The following USP31 variants were observed in gnomAD, a reference collection of about 807,000 sequenced individuals.
USP31 encodes the protein ubiquitin carboxyl-terminal hydrolase 31.
Under a neutral mutation model 119.4 loss-of-function variants are expected in USP31, and 44 were observed. The observed-to-expected ratio is 0.37, with a 90% CI of 0.29 to 0.47. The LOEUF is 0.47. USP31 is among the 20% of genes least tolerant of loss of function. The pLI, the probability that USP31 is intolerant of heterozygous loss-of-function variation, is 0.99. For missense variants in USP31, 1,643 were observed against 1,730.2 expected (o/e 0.95, Z 0.89); for synonymous variants, 749 against 705.6 (o/e 1.06, Z -0.97).
In USP31 at chr16:23,149,372, G is replaced by A. The variant is rs1454741847; in HGVS notation, c.-102C>T. On this transcript the variant is annotated 5_prime_UTR_variant, in exon 1 of 16. Coordinates refer to ENST00000219689, the MANE Select transcript of USP31 (RefSeq NM_020718.4). The stretch of plus-strand genomic sequence containing the variant: ...CAGCGCCGCGCCTCACCGGGCCCGG[G>A]GGCTCGACGCCCCACACACCTCAAA... 1 of 988,504 alleles carries A rather than the reference G, an allele frequency of 1.0e-6. No individual in the cohort carries two copies. The allele number at this position is 988,504 out of a possible 1,614,324, so 61.2% of individuals were successfully genotyped here. A position where few individuals can be genotyped will look rare whatever the true frequency, so the allele number is the denominator to read the frequency against.
chr16:23,119,527 G>T (rs1902600863), intron 1 of USP31, among the ~76,000 whole-genome samples: 1 of 152,182 alleles, frequency 6.6e-6, no homozygotes, highest in African/African-American at 2.4e-5. Context: ...CAGGGCTCAG[G>T]TTCTTCATTC....
chr16:23,108,794 CAT>C (rs1355297667), intron 1 of USP31, among the ~76,000 whole-genome samples: 1 of 152,122 alleles, frequency 6.6e-6, no homozygotes, highest in East Asian at 1.9e-4. Context: ...ACAATGAATA[CAT>C]GTTACATAAC....
In USP31 at chr16:23,064,658, C is replaced by G. The variant is rs1014982075; in HGVS notation, c.*3388G>C. 1.3e-5 allele frequency: 2 copies of G among 152,158 alleles called. No individual in the cohort carries two copies. The highest frequency in any genetic ancestry group is 2.9e-5 in the Non-Finnish European group (2 of 68,034). The allele number at this position is 152,158 out of a possible 1,614,324, so 9.4% of individuals were successfully genotyped here. A position where few individuals can be genotyped will look rare whatever the true frequency, so the allele number is the denominator to read the frequency against. ...AACCACAAGCCTTAGCCGATTTGAC[C>G]GGAATCCACGTGATCTCTTTTCCCA... On this transcript the variant is annotated 3_prime_UTR_variant, in exon 16 of 16. Transcript: ENST00000219689.
chr16:23,146,013 T>C (rs1206296000), intron 1 of USP31, among the ~76,000 whole-genome samples: 2 of 152,158 alleles, frequency 1.3e-5, no homozygotes, highest in African/African-American at 4.8e-5. Flanking sequence ...TCTGTACTTC[T>C]AGAATTATTG....
At chr16:23,132,253 T>C (rs1903052243) in intron 1 of USP31, among the ~76,000 whole-genome samples, 1 of 152,044 alleles carries the variant, frequency 6.6e-6, no homozygotes, top group Non-Finnish European at 1.5e-5. Flanking sequence ...ATAATATTTT[T>C]GAAGGAAGAA....
chr16:23,141,966 C>T (rs1236297046), intron 1 of USP31, among the ~76,000 whole-genome samples: 3 of 152,230 alleles, frequency 2.0e-5, no homozygotes, highest in African/African-American at 7.2e-5. Context: ...TCTCTCAGCT[C>T]CCAGTGAACT....
intron 1 of USP31, among the ~76,000 whole-genome samples, chr16:23,137,952 C>A (rs1903243192): frequency 6.6e-6 from 1 of 152,088 alleles, no homozygotes; most frequent in African/African-American, 2.4e-5. Flanking sequence ...ATTTAAAAAT[C>A]ATAATCCAAA....
chr16:23,115,740 T>G, intron 1 of USP31: 11 of 976,882 alleles, frequency 1.1e-5, no homozygotes, highest in Non-Finnish European at 1.3e-5. Flanking sequence ...TACTAAATAA[T>G]AAAGTAAAAG....
In USP31 at chr16:23,148,757, G is replaced by C. The variant is rs1371597389; in HGVS notation, c.514C>G (p.Pro172Ala). The C allele has an allele frequency of 2.6e-6, 4 of 1,515,872 alleles. No homozygotes were observed. Among genetic ancestry groups the C allele is most frequent in the Non-Finnish European group, 3.5e-6 (4 of 1,137,016 alleles). 93.9% of individuals were successfully genotyped at this position (1,515,872 alleles called of 1,614,324 possible). The part of the protein sequence containing the change: ...RAGRPEPSPD[P>A]EQPAGRGAQG... ...GCGCCGCGGCCCGCAGGCTGCTCCG[G>C]GTCAGGCGAGGGCTCGGGCCGCCCC... The change falls in exon 1 of 16, where the codon CCG becomes GCG. Residue 172 changes from proline to alanine, a missense_variant. By Grantham distance (27) the Pro-to-Ala change is conservative (BLOSUM62 -1). This residue lies in a region of USP31 where 302 missense variants were observed against 262.6 expected (regional missense o/e 1.15). Coordinates refer to ENST00000219689, the MANE Select transcript of USP31 (RefSeq NM_020718.4).
At chr16:23,120,988 T>A (rs551924646) in intron 1 of USP31, among the ~76,000 whole-genome samples, 1 of 152,030 alleles carries the variant, frequency 6.6e-6, no homozygotes, top group African/African-American at 2.4e-5. Flanking sequence ...CATTTTATTA[T>A]AAGAGACCTA....
At chr16:23,069,728 G>C in intron 15 of USP31, 112 bp from the exon 16 acceptor site, 1 of 1,378,000 alleles carries the variant, frequency 7.3e-7, no homozygotes, top group Non-Finnish European at 9.6e-7. Flanking sequence ...AAAGGAGCAT[G>C]ACCTTCAGAG....
intron 1 of USP31, among the ~76,000 whole-genome samples, chr16:23,127,950 T>C (rs1459231964): frequency 6.6e-6 from 1 of 152,170 alleles, no homozygotes; most frequent in African/African-American, 2.4e-5. Flanking sequence ...ACATTGTTGG[T>C]GGCAGTACTG....
Position 23,068,547 on chromosome 16 carries a change from TG to T in USP31, c.3557del (p.Ala1186GlufsTer30). The T allele has an allele frequency of 6.2e-7, 1 of 1,614,032 alleles. No individual in the cohort carries two copies. The highest frequency in any genetic ancestry group is 8.5e-7 in the Non-Finnish European group (1 of 1,179,990). The part of the protein sequence containing the change: ...PNSPRVSQAR[A>X]GEGRGAGKHV... ...GCTTCCCGGCCCCCCTGCCCTCCCC[TG>T]CTCGGGCCTGGCTCACCCGAGGGGA... On this transcript the variant is annotated frameshift_variant, in exon 16 of 16. Transcript: ENST00000219689. LOFTEE classifies it high-confidence loss of function.
intron 1 of USP31, among the ~76,000 whole-genome samples, chr16:23,146,216 A>G (rs1903497791): frequency 7.5e-6 from 1 of 132,800 alleles, no homozygotes. Context: ...AGGCAATTGT[A>G]AGCAAAGAGG....
chr16:23,074,996 A>C (rs900409672), intron 13 of USP31, among the ~76,000 whole-genome samples: 1 of 152,196 alleles, frequency 6.6e-6, no homozygotes, highest in Admixed American at 6.5e-5. Context: ...CCTGAGAGGC[A>C]CCAGGAGTGA....
chr16:23,087,245 C>T (rs1567230926), intron 8 of USP31, 59 bp from the exon 9 acceptor site: 11 of 1,472,176 alleles, frequency 7.5e-6, no homozygotes, highest in Non-Finnish European at 1.0e-5. Flanking sequence ...ATCTGTTTCA[C>T]AGTGGCATTT....
intron 1 of USP31, among the ~76,000 whole-genome samples, chr16:23,111,370 T>A (rs1902310434): frequency 6.6e-6 from 1 of 152,126 alleles, no homozygotes. Flanking sequence ...GAGGCATTAA[T>A]GTCACTCAGG....
intron 7 of USP31, among the ~76,000 whole-genome samples, chr16:23,090,259 G>T (rs967658877): frequency 6.6e-6 from 1 of 152,056 alleles, no homozygotes; most frequent in East Asian, 1.9e-4. Context: ...GGTGGCTGGC[G>T]CCTATAATCC....
chr16:23,069,506 A>G lies in USP31; in HGVS notation c.2599T>C (p.Trp867Arg), dbSNP rs1900258657. ...ATCTGCAGCTTAGCAGACAGGGACC[A>G]TGAAGGTCTCATGCAATTTTCATTG... ...AVNENCMRPSWSLSAKLQMRS... is the reference protein window; with the variant it reads ...AVNENCMRPSRSLSAKLQMRS... Residue 867 changes from tryptophan to arginine, a missense_variant, in exon 16 of 16, where the codon TGG (tryptophan) becomes CGG (arginine). Physicochemically the swap from Trp to Arg is moderately radical, Grantham distance 101 (BLOSUM62 -3). Around this residue, in one of 5 missense-constraint regions of USP31, gnomAD observed 699 missense variants for 650.9 expected, o/e 1.07. Coordinates refer to ENST00000219689, the MANE Select transcript of USP31 (RefSeq NM_020718.4). 2 of 1,614,138 alleles carry G rather than the reference A, an allele frequency of 1.2e-6. No homozygotes were observed. The highest frequency in any genetic ancestry group is 1.7e-5 in the Admixed American group (1 of 60,010).
Sources: gnomAD v4.1 joint callset for allele counts (sites outside exome capture counted in the v4.1 genomes callset) on GRCh38, gnomAD v4.1.1 for gene constraint, gnomAD v4.1.1 regional missense constraint, MANE v1.5 for transcripts, NCBI Gene and HGNC (gene_info 2026-07-23, HGNC 2026-07-21) for gene names.